Variants in VTI1A observed in about 807,000 individuals in gnomAD.
VTI1A encodes the protein vesicle transport through interaction with t-SNAREs homolog 1A.
A neutral mutation model predicts 34.9 loss-of-function variants in VTI1A; 22 were observed. The observed-to-expected ratio is 0.63, with a 90% CI of 0.45 to 0.90. VTI1A has a LOEUF of 0.90. Among genes scored for constraint, VTI1A ranks in the 40% least tolerant of loss-of-function variants. VTI1A has a pLI of 0.00. For synonymous variants in VTI1A, 87 were observed against 97.3 expected (o/e 0.89, Z 0.62); for missense variants, 268 against 275.6 (o/e 0.97, Z 0.20).
intron 3 of VTI1A, among the ~76,000 whole-genome samples, chr10:112,522,614 A>G (rs971533080): frequency 6.6e-6 from 1 of 152,086 alleles, no homozygotes; most frequent in Non-Finnish European, 1.5e-5. Context: ...GCCCCATTCA[A>G]TGTACTGACA....
chr10:112,572,434 T>A (rs572058814), intron 5 of VTI1A, among the ~76,000 whole-genome samples: 2 of 152,312 alleles, frequency 1.3e-5, no homozygotes, highest in East Asian at 3.9e-4. Flanking sequence ...CCAGAAGAGT[T>A]AAAGAGGATA....
At chr10:112,659,157 G>A (rs1369897865) in intron 5 of VTI1A, among the ~76,000 whole-genome samples, 1 of 152,154 alleles carries the variant, frequency 6.6e-6, no homozygotes, top group East Asian at 1.9e-4. Flanking sequence ...TCACCCTGGA[G>A]AGCTGGATGA....
the VTI1A span, among the ~76,000 whole-genome samples, chr10:112,848,351 G>A: frequency 6.6e-6 from 1 of 152,176 alleles, no homozygotes; most frequent in African/African-American, 2.4e-5. Flanking sequence ...CCCTTGAGCT[G>A]GACCCATTAA....
chr10:112,602,923 G>C (rs551797064), intron 5 of VTI1A, among the ~76,000 whole-genome samples: 1 of 152,292 alleles, frequency 6.6e-6, no homozygotes, highest in East Asian at 1.9e-4. Context: ...TGTCCAAATA[G>C]CCTGCTAAAG....
intron 7 of VTI1A, among the ~76,000 whole-genome samples, chr10:112,712,511 C>CAT (rs1554948223): frequency 0.011 from 1,616 of 147,864 alleles, 27 homozygotes; most frequent in African/African-American, 0.038. Flanking sequence ...CACACACACA[C>CAT]ATTAAATGAT....
chr10:112,524,896 T>C (rs577638613), intron 3 of VTI1A, among the ~76,000 whole-genome samples: 2 of 152,302 alleles, frequency 1.3e-5, no homozygotes, highest in South Asian at 2.1e-4. Flanking sequence ...TAAAATACTT[T>C]TGCTTAGCTA....
At chr10:112,709,603 C>G (rs1298275551) in intron 7 of VTI1A, among the ~76,000 whole-genome samples, 1 of 151,544 alleles carries the variant, frequency 6.6e-6, no homozygotes, top group Non-Finnish European at 1.5e-5. Context: ...TCTTTCAGTT[C>G]CCTGTCTTCA....
At chr10:112,754,622 C>T (rs1851218162) in intron 7 of VTI1A, among the ~76,000 whole-genome samples, 1 of 152,180 alleles carries the variant, frequency 6.6e-6, no homozygotes, top group African/African-American at 2.4e-5. Flanking sequence ...ATACCAAGAG[C>T]TGCAAGAAAT....
chr10:112,704,444 T>A (rs898657145), intron 7 of VTI1A, among the ~76,000 whole-genome samples: 3 of 152,350 alleles, frequency 2.0e-5, no homozygotes, highest in African/African-American at 7.2e-5. Flanking sequence ...TTTCTTTTTC[T>A]TTTTGCTTGT....
chr10:112,718,307 GTGGAGTAC>G (rs1211480053), intron 7 of VTI1A, among the ~76,000 whole-genome samples: 2 of 152,196 alleles, frequency 1.3e-5, no homozygotes, highest in Non-Finnish European at 2.9e-5. Flanking sequence ...ATGGCATTTA[GTGGAGTAC>G]TGAATGCTTC....
chr10:112,747,081 T>G (rs994249596), intron 7 of VTI1A, among the ~76,000 whole-genome samples: 3 of 152,190 alleles, frequency 2.0e-5, no homozygotes, highest in African/African-American at 7.2e-5. Context: ...GCAGTCAGAT[T>G]CGGGGGCCTG....
chr10:112,627,830 T>C (rs549842119), intron 5 of VTI1A, among the ~76,000 whole-genome samples: 33 of 152,160 alleles, frequency 2.2e-4, no homozygotes, highest in South Asian at 2.1e-3. Flanking sequence ...AATAAAAATG[T>C]GATATAAAAT....
chr10:112,539,725 C>G (rs1850790173), intron 5 of VTI1A, among the ~76,000 whole-genome samples: 1 of 152,098 alleles, frequency 6.6e-6, no homozygotes, highest in African/African-American at 2.4e-5. Flanking sequence ...TCTTCAATAA[C>G]ATGGAAATAA....
At chr10:112,567,887 A>G (rs1168323232) in intron 5 of VTI1A, among the ~76,000 whole-genome samples, 1 of 152,184 alleles carries the variant, frequency 6.6e-6, no homozygotes, top group East Asian at 1.9e-4. Context: ...TTAAATGAAG[A>G]TGAGTGCTGA....
At chr10:112,833,315 T>C in the VTI1A span, among the ~76,000 whole-genome samples, 1 of 149,740 alleles carries the variant, frequency 6.7e-6, no homozygotes, top group Non-Finnish European at 1.5e-5. Context: ...TTCCCCTACA[T>C]AGAGCATCCT....
chr10:112,783,178 C>G (rs1176372779), intron 7 of VTI1A, among the ~76,000 whole-genome samples: 3 of 152,134 alleles, frequency 2.0e-5, no homozygotes, highest in Admixed American at 2.0e-4. Context: ...ATGTAATTAA[C>G]ACAGCAGAGC....
At chr10:112,662,248 C>T (rs958551414) in intron 5 of VTI1A, among the ~76,000 whole-genome samples, 3 of 152,010 alleles carry the variant, frequency 2.0e-5, no homozygotes, top group Non-Finnish European at 4.4e-5. Flanking sequence ...TTATTCATAC[C>T]GTTTTTTTGT....
the VTI1A span, chr10:112,832,190 AG>A: frequency 6.8e-6 from 1 of 147,888 alleles, no homozygotes. Context: ...CTAGTGGAGG[AG>A]GGGGTGTATT....
chr10:112,769,918 T>C lies in VTI1A; in HGVS notation c.561-45372T>C, dbSNP rs181179830. On this transcript the variant is annotated intron_variant, in intron 7 of 7. Coordinates refer to ENST00000393077, the MANE Select transcript of VTI1A (RefSeq NM_145206.4). The stretch of plus-strand genomic sequence containing the variant: ...GTTGAGAACTGGAGAGGGAGTACCC[T>C]ATCCAGAGGCTTCTCAGAATCCACC... Among the ~76,000 whole-genome samples the C allele has an allele frequency of 7.5e-3, 1,136 of 152,222 alleles. 15 individuals carry two copies. The highest frequency in any genetic ancestry group is 8.5e-3 in the Non-Finnish European group (575 of 67,994).
Sources: gnomAD v4.1 joint callset for allele counts (sites outside exome capture counted in the v4.1 genomes callset) on GRCh38, gnomAD v4.1.1 for gene constraint, MANE v1.5 for transcripts, NCBI Gene and HGNC (gene_info 2026-07-23, HGNC 2026-07-21) for gene names.